Variants in SNED1 observed in about 807,000 individuals in gnomAD.
The protein encoded by SNED1 is sushi, nidogen and EGF like domains 1, also known as sushi, nidogen and EGF-like domain-containing protein 1.
In SNED1, 81 loss-of-function variants were observed where a neutral mutation model predicts 166.7. The ratio of observed to expected loss-of-function variants is 0.49; its 90% CI spans 0.41 to 0.58. SNED1 has a LOEUF of 0.58. Ranked by LOEUF, SNED1 falls within the 20% of genes least tolerant of loss-of-function variation. The probability of loss-of-function intolerance (pLI) is 0.00; values close to 1 mark genes in which losing one functional copy is unlikely to be tolerated. For missense variants in SNED1, 1,604 were observed against 2,000.2 expected, an observed-to-expected ratio of 0.80 and a Z score of 3.78; for synonymous variants, 762 against 822.0, an observed-to-expected ratio of 0.93 and a Z score of 1.25.
intron 1 of SNED1, among the ~76,000 whole-genome samples, chr2:241,020,836 A>C (rs2124908678): frequency 6.6e-6 from 1 of 152,288 alleles, no homozygotes; most frequent in South Asian, 2.1e-4. Flanking sequence ...TTTCTGCAGA[A>C]GGGACAAAGA....
At chr2:241,063,046 C>T (rs896190453) in intron 17 of SNED1, 142 bp downstream of exon 17, 1 of 606,028 alleles carries the variant, frequency 1.7e-6, no homozygotes, top group Non-Finnish European at 2.9e-6. Flanking sequence ...CCAGCTCTGA[C>T]ATCCAAGACA....
At chr2:241,016,088 A>G (rs528561273) in intron 1 of SNED1, 1 of 152,318 alleles carries the variant, frequency 6.6e-6, no homozygotes, top group South Asian at 2.1e-4. Context: ...TTAATGGCAA[A>G]TTAAATTAAT....
Position 241,068,462 on chromosome 2 carries a change from G to T in SNED1, c.3195-449G>T, listed in dbSNP as rs1025131346. Among the ~76,000 whole-genome samples the T allele has an allele frequency of 1.3e-5, 2 of 152,130 alleles. No homozygotes were observed. The highest frequency in any genetic ancestry group is 4.8e-5 in the African/African-American group (2 of 41,430). On this transcript the variant is annotated intron_variant, in intron 22 of 31. Coordinates refer to ENST00000310397, the MANE Select transcript of SNED1 (RefSeq NM_001080437.3). The surrounding 1 kb of genome is among the most constrained non-coding windows in gnomAD (Gnocchi z 5.3). Reference sequence around the variant, plus strand: ...AATCGTGCTCAGCGCAGGCAGGGGTGCAGGAAAAGATCGGAGAGCGAGTGG... The same window carrying T: ...AATCGTGCTCAGCGCAGGCAGGGGTTCAGGAAAAGATCGGAGAGCGAGTGG...
rs191941610 is a variant in SNED1, at chr2:241,072,734, G to A, written c.3818-532G>A. The A allele has an allele frequency of 1.5e-5, 3 of 199,582 alleles. No individual in the cohort carries two copies. In the East Asian group the frequency reaches 4.2e-4, roughly 28 times the overall value. The allele number at this position is 199,582 out of a possible 1,614,324, so 12.4% of individuals were successfully genotyped here. A position where few individuals can be genotyped will look rare whatever the true frequency, so the allele number is the denominator to read the frequency against. On this transcript the variant is annotated intron_variant, in intron 26 of 31. Transcript: ENST00000310397. ...GGGATGCCCAGTGGTGGGCAGGTGA[G>A]ATCTGGAGTACAGAGGGGGGCCCGT...
At chr2:241,049,754 C>T (rs2061771811) in intron 11 of SNED1, 63 bp from the exon 12 acceptor site, 1 of 1,317,102 alleles carries the variant, frequency 7.6e-7, no homozygotes, top group African/African-American at 1.4e-5. Context: ...TGCCCGCCAG[C>T]CTCTTGCCGC....
In SNED1 at chr2:241,064,141, T is replaced by C. The variant is rs34771867; in HGVS notation, c.2599+16T>C. On this transcript the variant is annotated intron_variant, in intron 19 of 31. Transcript: ENST00000310397. The surrounding 1 kb of genome is among the most constrained non-coding windows in gnomAD (Gnocchi z 7.0). ...TGCGAGACAGGTAGGGCGGCAGGCC[T>C]GCCTGCTCCCCGCCCTCTGCCCGCC... 0.55 allele frequency: 811,800 copies of C among 1,487,152 alleles called. 228,721 individuals carry two copies. Among genetic ancestry groups the C allele is most frequent in the East Asian group, 0.82 (32,976 of 40,256 alleles). 92.1% of individuals were successfully genotyped at this position (1,487,152 alleles called of 1,614,324 possible). A position where few individuals can be genotyped will look rare whatever the true frequency, so the allele number is the denominator to read the frequency against.
At chr2:241,065,256 G>A (rs746428638) in intron 20 of SNED1, 43 bp from the exon 21 acceptor site, 6 of 1,605,580 alleles carry the variant, frequency 3.7e-6, no homozygotes, top group Non-Finnish European at 4.2e-6. Flanking sequence ...CATAGCTAAC[G>A]GCTGACCAGT....
chr2:241,049,354 T>C (rs2061759293), intron 11 of SNED1, among the ~76,000 whole-genome samples: 1 of 152,192 alleles, frequency 6.6e-6, no homozygotes, highest in African/African-American at 2.4e-5. Context: ...AAAGCACTTC[T>C]GCAAGTATAC....
intron 6 of SNED1, 45 bp from the exon 7 acceptor site, chr2:241,040,029 AC>A: frequency 1.4e-6 from 2 of 1,435,560 alleles, no homozygotes; most frequent in South Asian, 2.5e-5. Flanking sequence ...CCCTCAGGTA[AC>A]CATAACTGGG....
At position 241,046,915 on chromosome 2, in the gene SNED1, C is replaced by T. The variant is rs567970147; in HGVS notation, c.1274-1400C>T. 2.6e-5 allele frequency among the ~76,000 whole-genome samples: 4 copies of T among 152,224 alleles called. No homozygotes were observed. The South Asian group carries it at 6.2e-4, about 24-fold the overall frequency. On this transcript the variant is annotated intron_variant, in intron 8 of 31. Transcript: ENST00000310397. Reference sequence around the variant, plus strand: ...ATCCCAGCACTTTGGGAGGCCAAGGCAGGCGGATCACGAGGTCAGGAGATC... The same window carrying T: ...ATCCCAGCACTTTGGGAGGCCAAGGTAGGCGGATCACGAGGTCAGGAGATC...
At position 241,082,329 on chromosome 2, in the gene SNED1, C is replaced by T. The variant is rs1199214702; in HGVS notation, c.4086C>T (p.Ala1362=). Residue 1362 remains alanine (A), a synonymous_variant, in exon 29 of 32, where the codon GCC becomes GCT. Coordinates refer to ENST00000310397, the MANE Select transcript of SNED1 (RefSeq NM_001080437.3). ...PCTRLFSETK[A]FPVWEGGVCH... ...CAAGGCTGTTCTCCGAGACAAAGGC[C>T]TTTCCAGTCTGGGAGGGAGGCGTCT... 1.9e-6 allele frequency: 3 copies of T among 1,613,554 alleles called. No homozygotes were observed. Among genetic ancestry groups the T allele is most frequent in the Admixed American group, 3.3e-5 (2 of 60,000 alleles).
At chr2:241,016,410 A>G (rs956717486) in intron 1 of SNED1, among the ~76,000 whole-genome samples, 4 of 152,174 alleles carry the variant, frequency 2.6e-5, no homozygotes, top group Non-Finnish European at 5.9e-5. Flanking sequence ...CATGTTAGCC[A>G]GGATGGTCTC....
chr2:241,011,067 AGGTCTCCTG>A (rs1303248639), intron 1 of SNED1, among the ~76,000 whole-genome samples: 22 of 150,272 alleles, frequency 1.5e-4, no homozygotes, highest in African/African-American at 2.2e-4. Flanking sequence ...TGGGGGTGGC[AGGTCTCCTG>A]GGTCTCCTGG....
chr2:241,057,383 ATATATATATATAT>A (rs1559276080), intron 16 of SNED1, among the ~76,000 whole-genome samples: 1 of 39,512 alleles, frequency 2.5e-5, no homozygotes, highest in African/African-American at 8.8e-5. Context: ...ATCTCAAAAT[ATATATATATATAT>A]ATATATATAT....
At chr2:241,024,918 T>A (rs773690218) in intron 1 of SNED1, among the ~76,000 whole-genome samples, 7 of 152,196 alleles carry the variant, frequency 4.6e-5, no homozygotes, top group Middle Eastern at 3.4e-3. Context: ...AGGTGATCCA[T>A]GTGCCTCAGC....
chr2:241,047,100 G>A lies in SNED1; in HGVS notation c.1274-1215G>A, dbSNP rs558776528. ...TTGGAGGTTGCAGTGAGCCGAGATC[G>A]CGCCACTGCACTGCACTCCAGCCTG... On this transcript the variant is annotated intron_variant, in intron 8 of 31. Coordinates refer to ENST00000310397, the MANE Select transcript of SNED1 (RefSeq NM_001080437.3). 1.5e-4 allele frequency among the ~76,000 whole-genome samples: 21 copies of A among 144,564 alleles called. No individual in the cohort carries two copies. The East Asian group carries it at 2.2e-3, about 15-fold the overall frequency. The allele number at this position is 144,564 out of a possible 152,430, so 94.8% of individuals were successfully genotyped here. A position where few individuals can be genotyped will look rare whatever the true frequency, so the allele number is the denominator to read the frequency against.
intron 1 of SNED1, among the ~76,000 whole-genome samples, chr2:241,016,685 T>C (rs1481653802): frequency 6.6e-6 from 1 of 152,192 alleles, no homozygotes; most frequent in Non-Finnish European, 1.5e-5. Flanking sequence ...TCTATGTGTC[T>C]CTGGAATTAT....
In SNED1 at chr2:241,082,750, C is replaced by T. The variant is rs184478046; in HGVS notation, c.4121+386C>T. Among the ~76,000 whole-genome samples, 174 of 152,352 alleles carry T rather than the reference C, an allele frequency of 1.1e-3. 1 individual carries two copies. The highest frequency in any genetic ancestry group is 4.1e-3 in the African/African-American group (171 of 41,586). On this transcript the variant is annotated intron_variant, in intron 29 of 31. Transcript: ENST00000310397. ...GCTCATGAGAATGCCGGCCCCAGTTCTGCCATTAACTCATGATGTGGCCTT... is the reference window on the plus strand; with the variant it reads ...GCTCATGAGAATGCCGGCCCCAGTTTTGCCATTAACTCATGATGTGGCCTT...
Position 241,073,424 on chromosome 2 carries a change from AGGCT to A in SNED1, c.3916+62_3916+65del. ...GACTGACTGCTCTCAGGGGCCTTAG[AGGCT>A]GCAGGCAGGAGGGACCACCCACGGT... On this transcript the variant is annotated intron_variant, in intron 27 of 31. Transcript: ENST00000310397. This position sits in a 1 kb window ranked among gnomAD's most constrained non-coding sequence, Gnocchi z 6.6. The A allele has an allele frequency of 7.1e-7, 1 of 1,405,490 alleles. No individual in the cohort carries two copies. Among genetic ancestry groups the A allele is most frequent in the Non-Finnish European group, 9.9e-7 (1 of 1,014,444 alleles). The allele number at this position is 1,405,490 out of a possible 1,614,324, so 87.1% of individuals were successfully genotyped here.
Sources: gnomAD v4.1 joint callset for allele counts (sites outside exome capture counted in the v4.1 genomes callset) on GRCh38, gnomAD v4.1.1 for gene constraint, Gnocchi (gnomAD v3.1) non-coding constraint, MANE v1.5 for transcripts, NCBI Gene and HGNC (gene_info 2026-07-23, HGNC 2026-07-21) for gene names.